CTNNA2: variants seen among roughly 807,000 people sequenced by gnomAD.
CTNNA2 encodes catenin alpha 2, also known as catenin alpha-2.
In CTNNA2, 42 loss-of-function variants were observed where a neutral mutation model predicts 101.0. The observed-to-expected ratio is 0.42, with a 90% CI of 0.32 to 0.54. The LOEUF (loss-of-function observed/expected upper bound fraction) is 0.54. Among genes scored for constraint, CTNNA2 ranks in the 20% least tolerant of loss-of-function variants. The probability of loss-of-function intolerance (pLI) is 0.14; values close to 1 mark genes in which losing one functional copy is unlikely to be tolerated. For synonymous variants in CTNNA2, 450 were observed against 456.4 expected (o/e 0.99, Z 0.18); for missense variants, 871 against 1,223.1 (o/e 0.71, Z 4.29).
intron 9 of CTNNA2, among the ~76,000 whole-genome samples, chr2:80,468,841 AGC>A (rs1685068714): frequency 6.6e-6 from 1 of 152,238 alleles, no homozygotes; most frequent in Admixed American, 6.5e-5. Flanking sequence ...GTTAAAACTT[AGC>A]AGCTTTAATC....
intron 7 of CTNNA2, among the ~76,000 whole-genome samples, chr2:79,996,495 C>G (rs1692555429): frequency 6.6e-6 from 1 of 152,196 alleles, no homozygotes; most frequent in Non-Finnish European, 1.5e-5. Flanking sequence ...GACAGATCCT[C>G]AGCTGTCTTT....
intron 7 of CTNNA2, among the ~76,000 whole-genome samples, chr2:80,325,257 G>C (rs909479537): frequency 1.3e-5 from 2 of 152,186 alleles, no homozygotes; most frequent in African/African-American, 4.8e-5. Flanking sequence ...GAGAGGAGGA[G>C]ATACCTGACT....
intron 7 of CTNNA2, among the ~76,000 whole-genome samples, chr2:80,249,069 A>AAT (rs1439209303): frequency 6.6e-6 from 1 of 152,156 alleles, no homozygotes; most frequent in African/African-American, 2.4e-5. Flanking sequence ...CTCCATCATC[A>AAT]GCAGGCTCTT....
At chr2:79,694,159 C>T (rs992116598) in intron 2 of CTNNA2, among the ~76,000 whole-genome samples, 3 of 151,884 alleles carry the variant, frequency 2.0e-5, no homozygotes, top group Non-Finnish European at 2.9e-5. Flanking sequence ...TGTCAAATTG[C>T]GTCGCCTAAT....
intron 9 of CTNNA2, among the ~76,000 whole-genome samples, chr2:80,423,269 T>A (rs970537977): frequency 2.6e-5 from 4 of 152,130 alleles, no homozygotes; most frequent in Non-Finnish European, 4.4e-5. Flanking sequence ...TGGATAATCA[T>A]GTCATTAATT....
At chr2:79,329,319 G>A (rs1009562065) in intron 3 of CTNNA2, among the ~76,000 whole-genome samples, 7 of 152,202 alleles carry the variant, frequency 4.6e-5, no homozygotes, top group Admixed American at 1.3e-4. Context: ...TCTCAACCCC[G>A]GGAACAAGTA....
chr2:79,664,065 TATGA>T (rs1453123801), intron 2 of CTNNA2, among the ~76,000 whole-genome samples: 11 of 152,228 alleles, frequency 7.2e-5, no homozygotes, highest in Non-Finnish European at 1.5e-4. Flanking sequence ...AAAAAGTGTG[TATGA>T]ATGTTTTAAT....
intron 3 of CTNNA2, among the ~76,000 whole-genome samples, chr2:79,831,379 A>G (rs1429738476): frequency 6.6e-6 from 1 of 152,072 alleles, no homozygotes; most frequent in African/African-American, 2.4e-5. Context: ...GCGTAATCAT[A>G]TTTACAATAT....
intron 4 of CTNNA2, among the ~76,000 whole-genome samples, chr2:79,468,953 C>T (rs1670968450): frequency 6.6e-6 from 1 of 151,950 alleles, no homozygotes; most frequent in African/African-American, 2.4e-5. Flanking sequence ...GACACCCTAA[C>T]ATCACAATTG....
intron 3 of CTNNA2, chr2:79,340,186 A>G (rs1046374972): frequency 6.6e-6 from 1 of 152,180 alleles, no homozygotes; most frequent in Admixed American, 6.5e-5. Flanking sequence ...TCATGAGTAG[A>G]TGCTGATGAG....
chr2:80,586,881 T>TG (rs1320728599), intron 14 of CTNNA2, among the ~76,000 whole-genome samples: 1 of 152,190 alleles, frequency 6.6e-6, no homozygotes, highest in Non-Finnish European at 1.5e-5. Flanking sequence ...AAGAAGCATC[T>TG]GGGCAGCCAC....
intron 3 of CTNNA2, among the ~76,000 whole-genome samples, chr2:79,813,444 T>C (rs1003364421): frequency 3.9e-5 from 6 of 152,184 alleles, no homozygotes; most frequent in African/African-American, 1.2e-4. Flanking sequence ...ATAAGTCTTA[T>C]TGATGAATTG....
At chr2:79,925,670 G>T (rs2104398011) in intron 7 of CTNNA2, among the ~76,000 whole-genome samples, 1 of 151,988 alleles carries the variant, frequency 6.6e-6, no homozygotes, top group East Asian at 1.9e-4. Flanking sequence ...GGTGCTTCCG[G>T]GTCCCCATTA....
At chr2:80,433,133 C>A (rs2149429270) in intron 9 of CTNNA2, among the ~76,000 whole-genome samples, 1 of 152,232 alleles carries the variant, frequency 6.6e-6, no homozygotes, top group African/African-American at 2.4e-5. Flanking sequence ...AAAGTCAAGT[C>A]TTTTCAAGTA....
chr2:80,032,353 C>T (rs1348284277), intron 7 of CTNNA2, among the ~76,000 whole-genome samples: 2 of 152,078 alleles, frequency 1.3e-5, no homozygotes, highest in Non-Finnish European at 2.9e-5. Flanking sequence ...AAGCAGCTGG[C>T]AGTTAAGGGA....
At chr2:80,636,875 T>C (rs977260990) in intron 18 of CTNNA2, among the ~76,000 whole-genome samples, 9 of 152,178 alleles carry the variant, frequency 5.9e-5, no homozygotes, top group Non-Finnish European at 1.5e-5. Flanking sequence ...AAAATTCCTA[T>C]GTTTTCTTGC....
intron 2 of CTNNA2, among the ~76,000 whole-genome samples, chr2:79,282,885 G>A (rs1430402793): frequency 9.3e-5 from 9 of 96,476 alleles, no homozygotes; most frequent in African/African-American, 2.6e-4. Context: ...CAGTGTAAAA[G>A]TGTTCCTATT....
At chr2:80,541,158 G>T (rs1181657680) in intron 9 of CTNNA2, among the ~76,000 whole-genome samples, 2 of 152,218 alleles carry the variant, frequency 1.3e-5, no homozygotes, top group East Asian at 3.8e-4. Flanking sequence ...GGAAGGTAGG[G>T]ATTTGGATAG....
chr2:80,131,693 C>T (rs1407950184), intron 7 of CTNNA2, among the ~76,000 whole-genome samples: 2 of 152,108 alleles, frequency 1.3e-5, no homozygotes, highest in Non-Finnish European at 1.5e-5. Flanking sequence ...CTAAGCCTCA[C>T]CATGTGTTCA....
Sources: allele counts gnomAD v4.1 joint callset (sites outside exome capture counted in the v4.1 genomes callset), GRCh38; gene constraint gnomAD v4.1.1; transcripts MANE v1.5; gene names NCBI Gene and HGNC (gene_info 2026-07-23, HGNC 2026-07-21).